CFAP65: variants seen among roughly 807,000 people sequenced by gnomAD.
The protein encoded by CFAP65 is cilia and flagella associated protein 65.
In CFAP65, 155 loss-of-function variants were observed where a neutral mutation model predicts 208.0. The ratio of observed to expected loss-of-function variants is 0.75; its 90% CI spans 0.65 to 0.85. The LOEUF is 0.85. Ranked by LOEUF, CFAP65 falls within the 40% of genes least tolerant of loss-of-function variation. The pLI, the probability that CFAP65 is intolerant of heterozygous loss-of-function variation, is 0.00. For synonymous variants in CFAP65, 970 were observed against 986.3 expected (o/e 0.98, Z 0.31); for missense variants, 2,294 against 2,451.3 (o/e 0.94, Z 1.36).
rs374423366 is a variant in CFAP65 at position 219,019,014 on chromosome 2, T to C, written c.3602+37A>G. 1.8e-5 allele frequency: 29 copies of C among 1,613,366 alleles called. No homozygotes were observed. The African/African-American group carries it at 3.9e-4, about 22-fold the overall frequency. On this transcript the variant is annotated intron_variant, in intron 21 of 34. Transcript: ENST00000341552. ...TTCTCCTTCAGCCTCTAGGCACTTG[T>C]CTCCCAGGCCCCCCAGTGGCCCCCT...
At chr2:219,028,487 G>T in intron 11 of CFAP65, 86 bp from the exon 12 acceptor site, 1 of 1,191,784 alleles carries the variant, frequency 8.4e-7, no homozygotes. Context: ...GACAGAAGCT[G>T]GGCAGACAGG....
In CFAP65 at chr2:219,004,690, A is replaced by G. The variant is rs1945809175; in HGVS notation, c.5052-235T>C. ...AGGGCAGGTCAGATTCACACACATG[A>G]TGGGCAGGAACCCTGGGGAGATAGT... On this transcript the variant is annotated intron_variant, in intron 32 of 34. Coordinates refer to ENST00000341552, the MANE Select transcript of CFAP65 (RefSeq NM_194302.4). The surrounding 1 kb of genome is among the most constrained non-coding windows in gnomAD (Gnocchi z 4.7). Among the ~76,000 whole-genome samples, 1 of 152,096 alleles carries G rather than the reference A, an allele frequency of 6.6e-6. No individual in the cohort carries two copies. Among genetic ancestry groups the G allele is most frequent in the African/African-American group, 2.4e-5 (1 of 41,426 alleles).
intron 13 of CFAP65, 28 bp from the exon 14 acceptor site, chr2:219,026,187 G>A: frequency 1.3e-6 from 2 of 1,598,130 alleles, no homozygotes; most frequent in Non-Finnish European, 1.7e-6. Context: ...CCACGGAAAA[G>A]CTCAGAGTCC....
intron 4 of CFAP65, among the ~76,000 whole-genome samples, chr2:219,037,386 C>T (rs1056690154): frequency 3.4e-4 from 51 of 152,144 alleles, no homozygotes; most frequent in African/African-American, 1.2e-3. Flanking sequence ...TGTGAGATTC[C>T]GTCTCAAAAA....
intron 22 of CFAP65, 115 bp from the exon 23 acceptor site, chr2:219,013,700 G>A (rs1336015142): frequency 6.7e-6 from 8 of 1,199,704 alleles, no homozygotes; most frequent in Admixed American, 1.9e-5. Flanking sequence ...GGAGCAACTC[G>A]CCCTTGAGTT....
chr2:219,019,518 G>A lies in CFAP65; in HGVS notation c.3461C>T (p.Pro1154Leu). 1 of 1,612,248 alleles carries A rather than the reference G, an allele frequency of 6.2e-7. No individual in the cohort carries two copies. The highest frequency in any genetic ancestry group is 8.5e-7 in the Non-Finnish European group (1 of 1,179,790). ...PTPCELTYKVPTRHSMSQIPP... is the reference protein window; with the variant it reads ...PTPCELTYKVLTRHSMSQIPP... The stretch of plus-strand genomic sequence containing the variant: ...AGGCTCAGCTCACCTGTGCCGGGTG[G>A]GCACCTTGTAGGTGAGCTCACAGGG... The change falls in exon 20 of 35, where the codon CCC becomes CTC. Residue 1154 changes from proline (P) to leucine (L), a missense_variant. Physicochemically the swap from Pro to Leu is moderately conservative, Grantham distance 98. This residue lies in a region of CFAP65 where 1,427 missense variants were observed against 1,438.7 expected (regional missense o/e 0.99). Transcript: ENST00000341552.
chr2:219,004,552 T>G lies in CFAP65; in HGVS notation c.5052-97A>C, dbSNP rs553984858. The stretch of plus-strand genomic sequence containing the variant: ...GCTAGGTTCTAGGTGGGAAAGGGGC[T>G]GCTAGGTGGGGAGAGGGGAGCCCTT... On this transcript the variant is annotated intron_variant, in intron 32 of 34. Transcript: ENST00000341552. This position sits in a 1 kb window ranked among gnomAD's most constrained non-coding sequence, Gnocchi z 4.7. 7.3e-7 allele frequency: 1 copy of G among 1,370,392 alleles called. No homozygotes were observed. Among genetic ancestry groups the G allele is most frequent in the Non-Finnish European group, 9.9e-7 (1 of 1,007,142 alleles). The allele number at this position is 1,370,392 out of a possible 1,614,324, so 84.9% of individuals were successfully genotyped here.
At position 219,030,863 on chromosome 2, in the gene CFAP65, G is replaced by A. The variant is rs554552638; in HGVS notation, c.1016-29C>T. On this transcript the variant is annotated intron_variant, in intron 8 of 34. Transcript: ENST00000341552. The stretch of plus-strand genomic sequence containing the variant: ...GGGCAGAGATGGGGGAGTCTTGGGG[G>A]AACCCACCAGGGCCTCTGTGGCCCC... The A allele has an allele frequency of 7.2e-5, 116 of 1,605,096 alleles. 1 individual carries two copies. The South Asian group carries it at 1.3e-3, about 17-fold the overall frequency.
Position 219,039,109 on chromosome 2 carries a change from T to A in CFAP65, c.-2-59A>T, listed in dbSNP as rs372751498. ...ATCTCCAGAGCAGAGGGATCCTCGA[T>A]GACTGTAGCTGAAATCATATGCAAA... On this transcript the variant is annotated intron_variant, in intron 2 of 34. Coordinates refer to ENST00000341552, the MANE Select transcript of CFAP65 (RefSeq NM_194302.4). 25 of 1,415,112 alleles carry A rather than the reference T, an allele frequency of 1.8e-5. No individual in the cohort carries two copies. In the Middle Eastern group the frequency reaches 1.6e-3, roughly 90 times the overall value. 87.7% of individuals were successfully genotyped at this position (1,415,112 alleles called of 1,614,324 possible). A position where few individuals can be genotyped will look rare whatever the true frequency, so the allele number is the denominator to read the frequency against.
At chr2:219,014,763 A>ACACCTGAGAGAAAGCACGCAACGCG (rs1946736377) in intron 21 of CFAP65, 1 of 146,666 alleles carries the variant, frequency 6.8e-6, no homozygotes, top group Non-Finnish European at 1.5e-5. Context: ...CGCACAACGC[A>ACACCTGAGAGAAAGCACGCAACGCG]CACCTGAGAG....
intron 14 of CFAP65, 52 bp downstream of exon 14, chr2:219,025,968 GCA>G (rs201012084): frequency 0.036 from 57,943 of 1,598,296 alleles, 1,756 homozygotes; most frequent in African/African-American, 0.15. Context: ...GCAGGCCAAG[GCA>G]GAAGCTAGGG....
chr2:219,034,281 AAAGG>A (rs1399072610), intron 5 of CFAP65: 1 of 152,232 alleles, frequency 6.6e-6, no homozygotes, highest in African/African-American at 2.4e-5. Flanking sequence ...GTAAGAGATC[AAAGG>A]GAGGGCCAAG....
Position 219,009,989 on chromosome 2 carries a change from C to A in CFAP65, c.4405G>T (p.Glu1469Ter). 1 of 1,612,784 alleles carries A rather than the reference C, an allele frequency of 6.2e-7. No homozygotes were observed. The highest frequency in any genetic ancestry group is 8.5e-7 in the Non-Finnish European group (1 of 1,179,650). ...LLFLNNISKN[E>*]EIAFSWQPSP... ...GGCTGCCAGGAGAAGGCAATTTCCT[C>A]GTTCTTGGAGATGTTGTTGAGGAAG... Residue 1469 changes from glutamate (E) to a stop codon, truncating the protein, a stop_gained, in exon 27 of 35, where the codon GAG becomes TAG. Transcript: ENST00000341552. LOFTEE classifies it high-confidence loss of function.
Position 219,031,792 on chromosome 2 carries a change from A to G in CFAP65, c.646-134T>C. ...GCCGTGGCACCCACGTCAGACTCTG[A>G]GGGGAGCTGGGCACCTATGTTGTCT... On this transcript the variant is annotated intron_variant, in intron 6 of 34. Coordinates refer to ENST00000341552, the MANE Select transcript of CFAP65 (RefSeq NM_194302.4). The surrounding 1 kb of genome is among the most constrained non-coding windows in gnomAD (Gnocchi z 5.2). The G allele has an allele frequency of 9.8e-7, 1 of 1,018,618 alleles. No homozygotes were observed. Among genetic ancestry groups the G allele is most frequent in the Non-Finnish European group, 1.4e-6 (1 of 700,716 alleles). The allele number at this position is 1,018,618 out of a possible 1,614,324, so 63.1% of individuals were successfully genotyped here.
chr2:219,005,472 C>T lies in CFAP65; in HGVS notation c.5013G>A (p.Lys1671=), dbSNP rs1452212611. The T allele has an allele frequency of 6.2e-7, 1 of 1,613,732 alleles. No individual in the cohort carries two copies. The highest frequency in any genetic ancestry group is 8.5e-7 in the Non-Finnish European group (1 of 1,180,002). ...PNKWGPVSKQ[K]KQLLVDILTT... ...TGAGAATGTCAACCAGGAGCTGCTT[C>T]TTCTGCTTGGAAACAGGGCCCCACT... is the stretch of plus-strand genomic sequence containing the variant. The change falls in exon 32 of 35, where the codon AAG becomes AAA. Residue 1671 remains lysine, a synonymous_variant. Transcript: ENST00000341552.
At chr2:219,038,829 C>T (rs931652932) in intron 3 of CFAP65, 67 bp downstream of exon 3, 2 of 1,524,792 alleles carry the variant, frequency 1.3e-6, no homozygotes, top group African/African-American at 2.8e-5. Flanking sequence ...CCCACTAGGC[C>T]CCTCCATGGC....
chr2:219,040,600 C>T (rs1478287902), intron 1 of CFAP65, 36 bp from the exon 2 acceptor site: 2 of 1,552,232 alleles, frequency 1.3e-6, no homozygotes, highest in Admixed American at 2.0e-5. Context: ...TACTTTTCTG[C>T]CACGGGATGG....
Position 219,031,476 on chromosome 2 carries a change from G to T in CFAP65, c.815+13C>A. ...CTCTTGCTCTCCCCGCCGCACCTCA[G>T]CCTCTTCCTCACCCCACATTATCCA... On this transcript the variant is annotated intron_variant, in intron 7 of 34. Transcript: ENST00000341552. This position sits in a 1 kb window ranked among gnomAD's most constrained non-coding sequence, Gnocchi z 5.2. 1 of 1,614,188 alleles carries T rather than the reference G, an allele frequency of 6.2e-7. No homozygotes were observed. The highest frequency in any genetic ancestry group is 8.5e-7 in the Non-Finnish European group (1 of 1,180,040).
Position 219,027,666 on chromosome 2 carries a change from G to A in CFAP65, c.2195C>T (p.Ala732Val), listed in dbSNP as rs902028637. The A allele has an allele frequency of 3.1e-6, 5 of 1,613,820 alleles. No homozygotes were observed. The highest frequency in any genetic ancestry group is 1.1e-5 in the South Asian group (1 of 91,080). Residue 732 changes from alanine (A) to valine (V), a missense_variant, in exon 13 of 35, where the codon GCC (alanine) becomes GTC (valine). Ala to Val is a moderately conservative substitution (Grantham distance 64). Around this residue, in one of 2 missense-constraint regions of CFAP65, gnomAD observed 867 missense variants for 1,012.6 expected, o/e 0.86. Coordinates refer to ENST00000341552, the MANE Select transcript of CFAP65 (RefSeq NM_194302.4). ...TGCACACACCTTATAGATGGCGAAG[G>A]CTTCGAGCTCCACCGTGTAAAGGCA... ...PNCLYTVELE[A>V]FAIYKVLQSY...
Sources: allele counts gnomAD v4.1 joint callset (sites outside exome capture counted in the v4.1 genomes callset), GRCh38; gene constraint gnomAD v4.1.1; regional missense constraint gnomAD v4.1.1; non-coding constraint Gnocchi (gnomAD v3.1); transcripts MANE v1.5; gene names NCBI Gene and HGNC (gene_info 2026-07-23, HGNC 2026-07-21).